The following ADARB1 variants were observed in gnomAD, a reference collection of about 807,000 sequenced individuals.
The protein encoded by ADARB1 is double-stranded RNA-specific editase 1.
In ADARB1, 10 loss-of-function variants were observed where a neutral mutation model predicts 52.4. The observed-to-expected ratio is 0.19, with a 90% confidence interval of 0.12 to 0.32. The LOEUF is 0.32. ADARB1 is among the 10% of genes least tolerant of loss of function. The probability of loss-of-function intolerance (pLI) is 1.00; values close to 1 mark genes in which losing one functional copy is unlikely to be tolerated. For synonymous variants in ADARB1, 349 were observed against 371.1 expected (o/e 0.94, Z 0.68); for missense variants, 643 against 922.3 (o/e 0.70, Z 3.92).
intron 9 of ADARB1, among the ~76,000 whole-genome samples, chr21:45,212,266 C>T (rs576928461): frequency 1.7e-4 from 26 of 152,270 alleles, no homozygotes; most frequent in African/African-American, 5.5e-4. Context: ...TCTAGCCATT[C>T]CCCCACAAAA....
chr21:45,124,172 C>T (rs977416502), intron 1 of ADARB1, among the ~76,000 whole-genome samples: 5 of 152,310 alleles, frequency 3.3e-5, no homozygotes, highest in East Asian at 3.9e-4. Flanking sequence ...AGTGTGATCA[C>T]ATTTTGTATA....
At chr21:45,129,566 A>G (rs1219476224) in intron 2 of ADARB1, among the ~76,000 whole-genome samples, 2 of 152,336 alleles carry the variant, frequency 1.3e-5, no homozygotes, top group African/African-American at 4.8e-5. Context: ...TGGGCATGGC[A>G]GGGACCAGGC....
intron 9 of ADARB1, among the ~76,000 whole-genome samples, chr21:45,206,707 G>A (rs1448565724): frequency 6.6e-6 from 1 of 151,780 alleles, no homozygotes; most frequent in Non-Finnish European, 1.5e-5. Flanking sequence ...CCAAGTAGCT[G>A]GGATTACAGG....
chr21:45,210,692 A>T (rs1357302336), intron 9 of ADARB1, among the ~76,000 whole-genome samples: 1 of 152,208 alleles, frequency 6.6e-6, no homozygotes. Context: ...GCTCACAGCC[A>T]TATTCCACTG....
chr21:45,189,495 G>A (rs1250100083), intron 8 of ADARB1, among the ~76,000 whole-genome samples: 1 of 152,002 alleles, frequency 6.6e-6, no homozygotes, highest in Non-Finnish European at 1.5e-5. Context: ...CAATAGTATT[G>A]GTTACTGTAT....
chr21:45,141,484 T>C (rs2089718938), intron 2 of ADARB1, among the ~76,000 whole-genome samples: 1 of 152,200 alleles, frequency 6.6e-6, no homozygotes, highest in South Asian at 2.1e-4. Context: ...AGTATCAAAT[T>C]TATATTCAGA....
At chr21:45,081,199 G>T (rs1162690189) in intron 1 of ADARB1, among the ~76,000 whole-genome samples, 2 of 152,124 alleles carry the variant, frequency 1.3e-5, no homozygotes, top group Admixed American at 1.3e-4. Flanking sequence ...GTCATCGTGG[G>T]AGGATGCGGT....
Position 45,106,467 on chromosome 21 carries a change from C to T in ADARB1, c.-219-21935C>T, listed in dbSNP as rs150208164. Among the ~76,000 whole-genome samples, 116 of 152,288 alleles carry T rather than the reference C, an allele frequency of 7.6e-4. 1 individual carries two copies. Among genetic ancestry groups the T allele is most frequent in the African/African-American group, 2.6e-3 (109 of 41,560 alleles). On this transcript the variant is annotated intron_variant, in intron 1 of 10. Transcript: ENST00000348831. ...GCCAAATGCTGGGATGCCTGCACTC[C>T]GTTTCTTAGCCGTGAGTCTGTGCTT...
rs1294862430 is a variant in ADARB1, at chr21:45,077,665, TA to T, written c.-220+2885del. ...CTGGGCAACAGAGCGAGACGCCGTC[TA>T]AAAAAAAAAAAAGAAAAGAAAAAGA... On this transcript the variant is annotated intron_variant, in intron 1 of 10. Transcript: ENST00000348831. 4.3e-3 allele frequency among the ~76,000 whole-genome samples: 587 copies of T among 136,808 alleles called. 1 individual carries two copies. The highest frequency in any genetic ancestry group is 5.5e-3 in the African/African-American group (204 of 37,168). The allele number at this position is 136,808 out of a possible 152,430, so 89.8% of individuals were successfully genotyped here. A position where few individuals can be genotyped will look rare whatever the true frequency, so the allele number is the denominator to read the frequency against.
intron 1 of ADARB1, among the ~76,000 whole-genome samples, chr21:45,093,851 A>G (rs1472895980): frequency 6.6e-6 from 1 of 152,214 alleles, no homozygotes; most frequent in African/African-American, 2.4e-5. Context: ...CCTTTTAAGT[A>G]CATTAGGATT....
chr21:45,217,443 T>C (rs1023682167), intron 9 of ADARB1, among the ~76,000 whole-genome samples: 1 of 152,146 alleles, frequency 6.6e-6, no homozygotes, highest in African/African-American at 2.4e-5. Context: ...AGTGATATTA[T>C]ACTACTTCAC....
chr21:45,082,738 T>C (rs1399358229), intron 1 of ADARB1, among the ~76,000 whole-genome samples: 1 of 152,222 alleles, frequency 6.6e-6, no homozygotes, highest in African/African-American at 2.4e-5. Context: ...AGGATGTTGC[T>C]ATTAAGGGTC....
intron 1 of ADARB1, among the ~76,000 whole-genome samples, chr21:45,101,929 T>G (rs1169029875): frequency 6.6e-6 from 1 of 152,208 alleles, no homozygotes; most frequent in African/African-American, 2.4e-5. Context: ...ACTCTGTTAC[T>G]CAGGCTGGAG....
At chr21:45,113,192 A>T (rs1425391140) in intron 1 of ADARB1, among the ~76,000 whole-genome samples, 2 of 152,084 alleles carry the variant, frequency 1.3e-5, no homozygotes, top group African/African-American at 4.8e-5. Flanking sequence ...TGGGAGGCCG[A>T]GGTGGGTGGA....
At chr21:45,179,558 A>G (rs1037683161) in intron 4 of ADARB1, among the ~76,000 whole-genome samples, 8 of 152,176 alleles carry the variant, frequency 5.3e-5, no homozygotes, top group African/African-American at 1.7e-4. Context: ...AAATCCAACA[A>G]ATACATCTGT....
intron 1 of ADARB1, among the ~76,000 whole-genome samples, chr21:45,096,311 G>T (rs147053108): frequency 6.6e-6 from 1 of 152,204 alleles, no homozygotes; most frequent in African/African-American, 2.4e-5. Context: ...GAACAGAAGC[G>T]CAAGGGACAA....
intron 2 of ADARB1, among the ~76,000 whole-genome samples, chr21:45,170,868 A>G (rs17004748): frequency 0.085 from 12,894 of 152,254 alleles, 872 homozygotes; most frequent in African/African-American, 0.17. Flanking sequence ...GTAACTAGAA[A>G]TTGTAATACC....
At chr21:45,118,197 C>T (rs980279355) in intron 1 of ADARB1, among the ~76,000 whole-genome samples, 2 of 152,214 alleles carry the variant, frequency 1.3e-5, no homozygotes, top group African/African-American at 4.8e-5. Flanking sequence ...AGATGGAACT[C>T]CCAGTTTCTC....
intron 4 of ADARB1, chr21:45,177,664 TGACCACAA>T (rs1309896437): frequency 6.6e-6 from 1 of 152,230 alleles, no homozygotes; most frequent in African/African-American, 2.4e-5. Flanking sequence ...ATACTACCCT[TGACCACAA>T]GACTTGAAGG....
Sources: allele counts gnomAD v4.1 joint callset (sites outside exome capture counted in the v4.1 genomes callset), GRCh38; gene constraint gnomAD v4.1.1; transcripts MANE v1.5; gene names NCBI Gene and HGNC (gene_info 2026-07-23, HGNC 2026-07-21).